Variants in PTPRD observed in about 807,000 individuals in gnomAD.
The protein encoded by PTPRD is protein tyrosine phosphatase receptor type D, also known as receptor-type tyrosine-protein phosphatase delta.
PTPRD carries 34 observed loss-of-function variants against 214.5 expected under a neutral mutation model. The ratio of observed to expected loss-of-function variants is 0.16; its 90% CI spans 0.12 to 0.21. The LOEUF (loss-of-function observed/expected upper bound fraction) is 0.21. Ranked by LOEUF, PTPRD falls within the 10% of genes least tolerant of loss-of-function variation. The pLI, the probability that PTPRD is intolerant of heterozygous loss-of-function variation, is 1.00. For synonymous variants in PTPRD, 1,128 were observed against 845.7 expected (o/e 1.33, Z -5.79); for missense variants, 2,545 against 2,398.7 (o/e 1.06, Z -1.27).
chr9:9,592,175 A>C (rs544659342), intron 7 of PTPRD, among the ~76,000 whole-genome samples: 2 of 152,096 alleles, frequency 1.3e-5, no homozygotes, highest in African/African-American at 4.8e-5. Flanking sequence ...TTTCTTCACT[A>C]ATTTAAAATA....
At chr9:9,334,752 A>T (rs1337599300) in intron 9 of PTPRD, among the ~76,000 whole-genome samples, 1 of 151,930 alleles carries the variant, frequency 6.6e-6, no homozygotes, top group African/African-American at 2.4e-5. Context: ...TATTATTATC[A>T]TGATCATCAT....
At chr9:10,298,417 C>T (rs2095754553) in intron 3 of PTPRD, among the ~76,000 whole-genome samples, 1 of 152,056 alleles carries the variant, frequency 6.6e-6, no homozygotes, top group African/African-American at 2.4e-5. Flanking sequence ...GCCATGCATT[C>T]AATTTCCAAT....
intron 11 of PTPRD, among the ~76,000 whole-genome samples, chr9:8,930,787 T>C (rs1327526759): frequency 6.6e-6 from 1 of 152,174 alleles, no homozygotes; most frequent in Non-Finnish European, 1.5e-5. Flanking sequence ...TCATATCCTT[T>C]GCCCACTTTT....
intron 44 of PTPRD, among the ~76,000 whole-genome samples, chr9:8,322,218 C>T (rs1230337252): frequency 6.6e-6 from 1 of 151,954 alleles, no homozygotes; most frequent in African/African-American, 2.4e-5. Flanking sequence ...CAGTTAATAA[C>T]CCTACAATGG....
At chr9:9,533,898 A>G (rs1378762475) in intron 8 of PTPRD, among the ~76,000 whole-genome samples, 2 of 152,006 alleles carry the variant, frequency 1.3e-5, no homozygotes, top group African/African-American at 4.8e-5. Flanking sequence ...ACTTTTCCAT[A>G]TTTATCTCCT....
intron 4 of PTPRD, among the ~76,000 whole-genome samples, chr9:9,979,144 A>G (rs1346799428): frequency 9.9e-5 from 15 of 152,092 alleles, no homozygotes; most frequent in Non-Finnish European, 2.1e-4. Flanking sequence ...GATGTCCTTC[A>G]GGCAGAAGGA....
At chr9:8,523,019 G>C (rs1013914254) in intron 19 of PTPRD, among the ~76,000 whole-genome samples, 1 of 152,120 alleles carries the variant, frequency 6.6e-6, no homozygotes, top group African/African-American at 2.4e-5. Context: ...AGAAGAGAAA[G>C]CTAAGCATGC....
chr9:10,183,576 T>C (rs2099313133), intron 3 of PTPRD, among the ~76,000 whole-genome samples: 1 of 152,190 alleles, frequency 6.6e-6, no homozygotes, highest in Non-Finnish European at 1.5e-5. Context: ...TTGCAGGTGT[T>C]TGATTTATTT....
intron 3 of PTPRD, among the ~76,000 whole-genome samples, chr9:10,215,825 G>A (rs905355882): frequency 1.3e-5 from 2 of 151,854 alleles, no homozygotes; most frequent in Non-Finnish European, 2.9e-5. Flanking sequence ...AAATTAAAAA[G>A]TATAATTTGA....
At chr9:9,045,355 T>C (rs1171217029) in intron 10 of PTPRD, among the ~76,000 whole-genome samples, 3 of 152,012 alleles carry the variant, frequency 2.0e-5, no homozygotes, top group Non-Finnish European at 2.9e-5. Flanking sequence ...TCACAGTGCT[T>C]GAGTGTTGGC....
At chr9:8,617,130 C>T (rs927619351) in intron 14 of PTPRD, among the ~76,000 whole-genome samples, 1 of 151,918 alleles carries the variant, frequency 6.6e-6, no homozygotes, top group Non-Finnish European at 1.5e-5. Context: ...TTGATATAAA[C>T]CAAAATACAC....
intron 9 of PTPRD, among the ~76,000 whole-genome samples, chr9:9,246,969 GC>G (rs1354298954): frequency 5.5e-5 from 8 of 145,052 alleles, no homozygotes; most frequent in African/African-American, 1.8e-4. Flanking sequence ...ACCTTCTCCT[GC>G]CCTTCTGTCT....
chr9:8,444,793 G>C (rs2095663447), intron 34 of PTPRD, among the ~76,000 whole-genome samples: 3 of 152,132 alleles, frequency 2.0e-5, no homozygotes, highest in African/African-American at 4.8e-5. Flanking sequence ...AGAGACTAAA[G>C]TAATTTGGAA....
intron 11 of PTPRD, among the ~76,000 whole-genome samples, chr9:8,876,994 T>C (rs2098398896): frequency 6.6e-6 from 1 of 151,952 alleles, no homozygotes. Context: ...TGGCGCGATC[T>C]CAGCTCACAG....
intron 7 of PTPRD, among the ~76,000 whole-genome samples, chr9:9,652,354 G>T (rs2096383906): frequency 6.6e-6 from 1 of 152,068 alleles, no homozygotes; most frequent in South Asian, 2.1e-4. Flanking sequence ...CTTATCATTG[G>T]CATTAATATA....
intron 8 of PTPRD, among the ~76,000 whole-genome samples, chr9:9,405,679 A>G (rs1019829731): frequency 3.3e-5 from 5 of 152,062 alleles, no homozygotes; most frequent in Non-Finnish European, 5.9e-5. Flanking sequence ...TGAATAAAGC[A>G]TGCTCTCTAG....
intron 3 of PTPRD, among the ~76,000 whole-genome samples, chr9:10,210,243 C>G (rs1184692076): frequency 6.6e-6 from 1 of 152,024 alleles, no homozygotes; most frequent in Non-Finnish European, 1.5e-5. Context: ...GAGAGTAATA[C>G]CCATTTGTGA....
intron 8 of PTPRD, among the ~76,000 whole-genome samples, chr9:9,546,593 C>T (rs987422419): frequency 6.6e-6 from 1 of 151,670 alleles, no homozygotes; most frequent in African/African-American, 2.4e-5. Flanking sequence ...TACCTTTATG[C>T]TATATAAATT....
chr9:10,509,296 A>G (rs1425397553), intron 2 of PTPRD, among the ~76,000 whole-genome samples: 1 of 151,456 alleles, frequency 6.6e-6, no homozygotes, highest in East Asian at 2.0e-4. Flanking sequence ...GTAGTAATTT[A>G]TTTGCCATTT....
Sources: gnomAD v4.1 joint callset for allele counts (sites outside exome capture counted in the v4.1 genomes callset) on GRCh38, gnomAD v4.1.1 for gene constraint, MANE v1.5 for transcripts, NCBI Gene and HGNC (gene_info 2026-07-23, HGNC 2026-07-21) for gene names.